Variants in PRRC2C observed in about 807,000 individuals in gnomAD.
PRRC2C encodes the protein proline rich coiled-coil 2C.
PRRC2C carries 72 observed loss-of-function variants against 317.2 expected under a neutral mutation model. The ratio of observed to expected loss-of-function variants is 0.23; its 90% CI spans 0.19 to 0.28. The LOEUF is 0.28. Ranked by LOEUF, PRRC2C falls within the 10% of genes least tolerant of loss-of-function variation. The pLI, the probability that PRRC2C is intolerant of heterozygous loss-of-function variation, is 1.00. For synonymous variants in PRRC2C, 1,296 were observed against 1,205.9 expected, an observed-to-expected ratio of 1.07 and a Z score of -1.55; for missense variants, 3,074 against 3,459.7, an observed-to-expected ratio of 0.89 and a Z score of 2.80.
intron 34 of PRRC2C, chr1:171,591,324 TTAATA>T (rs1378392710): frequency 2.5e-6 from 2 of 787,808 alleles, no homozygotes; most frequent in Middle Eastern, 4.7e-4. Context: ...TAAATAAAAT[TTAATA>T]TGAGAGGGCA....
intron 18 of PRRC2C, among the ~76,000 whole-genome samples, chr1:171,556,679 A>C (rs190854192): frequency 1.3e-5 from 2 of 152,260 alleles, no homozygotes; most frequent in Non-Finnish European, 2.9e-5. Context: ...GCTAATGAAC[A>C]CAAATATCAC....
chr1:171,591,955 G>T lies in PRRC2C; in HGVS notation c.*108G>T, dbSNP rs193091866. The T allele has an allele frequency of 3.3e-4, 459 of 1,397,098 alleles. 2 individuals carry two copies. The African/African-American group carries it at 5.7e-3, about 17-fold the overall frequency. The allele number at this position is 1,397,098 out of a possible 1,614,324, so 86.5% of individuals were successfully genotyped here. ...GCAAAATGGCCTGTGACATTATCCT[G>T]TTCAGAGCTTGGAGATGTACAAGGG... On this transcript the variant is annotated 3_prime_UTR_variant, in exon 35 of 35. Coordinates refer to ENST00000647382, the MANE Select transcript of PRRC2C (RefSeq NM_001387844.1).
At chr1:171,514,264 G>GTA (rs1671922671) in intron 3 of PRRC2C, among the ~76,000 whole-genome samples, 1 of 35,338 alleles carries the variant, frequency 2.8e-5, no homozygotes, top group Non-Finnish European at 5.2e-5. Flanking sequence ...GTGTGTGTAT[G>GTA]TGTGTGTGTG....
chr1:171,579,506 C>T (rs1380284521), intron 27 of PRRC2C, 40 bp downstream of exon 27: 3 of 1,601,686 alleles, frequency 1.9e-6, no homozygotes, highest in South Asian at 1.1e-5. Context: ...TTTGTTCCTT[C>T]GCATTTCTGT....
chr1:171,557,625 C>T lies in PRRC2C; in HGVS notation c.5513C>T (p.Ser1838Leu). 1.9e-6 allele frequency: 3 copies of T among 1,551,700 alleles called. No individual in the cohort carries two copies. Among genetic ancestry groups the T allele is most frequent in the South Asian group, 2.4e-5 (2 of 84,064 alleles). Residue 1838 changes from serine (S) to leucine (L), a missense_variant, in exon 19 of 35, where the codon TCA becomes TTA. Physicochemically the swap from Ser to Leu is moderately radical, Grantham distance 145 (BLOSUM62 -2). Coordinates refer to ENST00000647382, the MANE Select transcript of PRRC2C (RefSeq NM_001387844.1). Reference protein sequence around the residue: ...AAITSSSAPASAPAPTPILAS... With the variant: ...AAITSSSAPALAPAPTPILAS... Reference sequence around the variant, plus strand: ...ATAACCTCTTCTTCAGCTCCAGCCTCAGCCCCAGCTCCAACCCCCATCCTT... The same window carrying T: ...ATAACCTCTTCTTCAGCTCCAGCCTTAGCCCCAGCTCCAACCCCCATCCTT...
At chr1:171,510,284 A>G (rs968673250) in intron 1 of PRRC2C, 58 of 152,300 alleles carry the variant, frequency 3.8e-4, no homozygotes, top group African/African-American at 1.3e-3. Context: ...CTTTCTCTCT[A>G]ATATACAGAA....
chr1:171,506,354 C>G (rs937714056), intron 1 of PRRC2C, among the ~76,000 whole-genome samples: 10 of 152,132 alleles, frequency 6.6e-5, no homozygotes, highest in African/African-American at 2.4e-4. Context: ...AACATTTTCT[C>G]TTGTTACTTT....
rs1235810099 is a variant in PRRC2C, at chr1:171,515,850, C to T, written c.517C>T (p.Arg173Cys). ...DDNYGPGPSLRPPNVACWRDG... is the reference protein window; with the variant it reads ...DDNYGPGPSLCPPNVACWRDG... The stretch of plus-strand genomic sequence containing the variant: ...CAACTATGGACCTGGACCCAGTTTA[C>T]GTCCACCAAGTAAGAGTACTTTCTC... The change falls in exon 5 of 35, where the codon CGT becomes TGT. Residue 173 changes from arginine to cysteine, a missense_variant. Arg to Cys is a radical substitution (Grantham distance 180, BLOSUM62 -3). Coordinates refer to ENST00000647382, the MANE Select transcript of PRRC2C (RefSeq NM_001387844.1). The T allele has an allele frequency of 6.9e-6, 11 of 1,592,492 alleles. No individual in the cohort carries two copies. The highest frequency in any genetic ancestry group is 6.7e-5 in the East Asian group (3 of 44,636).
chr1:171,539,007 A>ATT (rs34762890), intron 15 of PRRC2C, among the ~76,000 whole-genome samples: 1 of 126,948 alleles, frequency 7.9e-6, no homozygotes, highest in African/African-American at 3.0e-5. Flanking sequence ...CTTCAGGCCC[A>ATT]TTTTTTTTTT....
At chr1:171,560,974 G>A (rs1277797858) in intron 19 of PRRC2C, 44 bp from the exon 20 acceptor site, 10 of 1,444,234 alleles carry the variant, frequency 6.9e-6, no homozygotes, top group Non-Finnish European at 9.7e-6. Flanking sequence ...GAGATTATTA[G>A]ACTCTAAATC....
At chr1:171,524,042 A>C (rs937282817) in intron 9 of PRRC2C, among the ~76,000 whole-genome samples, 6 of 152,028 alleles carry the variant, frequency 3.9e-5, no homozygotes, top group African/African-American at 1.4e-4. Context: ...TCTCAAAAAA[A>C]AAAAAGATAT....
At chr1:171,582,936 T>G (rs2102849789) in intron 28 of PRRC2C, among the ~76,000 whole-genome samples, 1 of 152,272 alleles carries the variant, frequency 6.6e-6, no homozygotes, top group East Asian at 1.9e-4. Context: ...ATAATAACAT[T>G]TAGCTTACAA....
At chr1:171,589,678 A>G (rs1012806220) in intron 34 of PRRC2C, 73 bp downstream of exon 34, 4 of 1,025,912 alleles carry the variant, frequency 3.9e-6, no homozygotes, top group East Asian at 6.0e-5. Context: ...CTCTGGACCC[A>G]TAACTGTATA....
Position 171,517,670 on chromosome 1 carries a change from G to C in PRRC2C, c.606G>C (p.Gln202His). Residue 202 changes from glutamine (Q) to histidine (H), a missense_variant, in exon 6 of 35, where the codon CAG (glutamine) becomes CAC (histidine). Around this residue, in one of 11 missense-constraint regions of PRRC2C, gnomAD observed 237 missense variants for 199.5 expected, o/e 1.19. Transcript: ENST00000647382. ...SSDQDEKLPG[Q>H]DESTAGTSEQ... is the part of the protein sequence containing the mutation. ...ATCAAGATGAAAAGCTCCCTGGCCA[G>C]GATGAAAGCACAGCTGGAACATCAG... 6.2e-7 allele frequency: 1 copy of C among 1,613,458 alleles called. No individual in the cohort carries two copies.
In PRRC2C at chr1:171,540,648, C is replaced by G. The variant is rs1677788910; in HGVS notation, c.3182C>G (p.Pro1061Arg). ...GAAAAGACGGAAAAGAAGGATCTTC[C>G]TCCTCCCCCACCACCACCTCAGCCA... ...KPEKTEKKDLPPPPPPPQPPA... is the reference protein window; with the variant it reads ...KPEKTEKKDLRPPPPPPQPPA... Residue 1061 changes from proline to arginine, a missense_variant, in exon 16 of 35, where the codon CCT becomes CGT. Physicochemically the swap from Pro to Arg is moderately radical, Grantham distance 103. Around this residue, in one of 11 missense-constraint regions of PRRC2C, gnomAD observed 1,320 missense variants for 1,395.7 expected, o/e 0.95. Transcript: ENST00000647382. 2 of 1,613,804 alleles carry G rather than the reference C, an allele frequency of 1.2e-6. No homozygotes were observed. Among genetic ancestry groups the G allele is most frequent in the Non-Finnish European group, 1.7e-6 (2 of 1,179,896 alleles).
intron 1 of PRRC2C, among the ~76,000 whole-genome samples, 173 bp downstream of exon 1, chr1:171,485,908 CTG>C (rs1315170528): frequency 1.3e-5 from 2 of 152,108 alleles, no homozygotes; most frequent in Non-Finnish European, 2.9e-5. Flanking sequence ...ACCATCATCT[CTG>C]TGTCTGGGGA....
chr1:171,558,639 A>G (rs908496069), intron 19 of PRRC2C, among the ~76,000 whole-genome samples: 15 of 152,312 alleles, frequency 9.8e-5, no homozygotes, highest in Admixed American at 9.8e-4. Flanking sequence ...TAAGATAGTG[A>G]ACTTAATTGA....
At chr1:171,489,265 G>A (rs1666688901) in intron 1 of PRRC2C, among the ~76,000 whole-genome samples, 1 of 152,132 alleles carries the variant, frequency 6.6e-6, no homozygotes, top group African/African-American at 2.4e-5. Flanking sequence ...AAGAGTTTGT[G>A]TTAAATAATA....
At chr1:171,572,731 A>AATTTCAC (rs1684998905) in intron 24 of PRRC2C, among the ~76,000 whole-genome samples, 1 of 152,160 alleles carries the variant, frequency 6.6e-6, no homozygotes, top group South Asian at 2.1e-4. Context: ...TAGCAAGGTA[A>AATTTCAC]ATAATCTAAT....
Sources: gnomAD v4.1 joint callset for allele counts (sites outside exome capture counted in the v4.1 genomes callset) on GRCh38, gnomAD v4.1.1 for gene constraint, gnomAD v4.1.1 regional missense constraint, MANE v1.5 for transcripts, NCBI Gene and HGNC (gene_info 2026-07-23, HGNC 2026-07-21) for gene names.